COG2: variants seen among roughly 807,000 people sequenced by gnomAD.
The protein encoded by COG2 is component of oligomeric golgi complex 2.
A neutral mutation model predicts 90.6 loss-of-function variants in COG2; 52 were observed. The ratio of observed to expected loss-of-function variants is 0.57; its 90% confidence interval spans 0.46 to 0.72. The LOEUF (loss-of-function observed/expected upper bound fraction) is 0.72. Ranked by LOEUF, COG2 falls within the 30% of genes least tolerant of loss-of-function variation. The pLI, the probability that COG2 is intolerant of heterozygous loss-of-function variation, is 0.00. For missense variants in COG2, 829 were observed against 891.2 expected (o/e 0.93, Z 0.89); for synonymous variants, 337 against 320.4 (o/e 1.05, Z -0.55).
At chr1:230,644,433 A>G (rs958698096) in intron 1 of COG2, among the ~76,000 whole-genome samples, 1 of 152,236 alleles carries the variant, frequency 6.6e-6, no homozygotes, top group Admixed American at 6.5e-5. Context: ...TGTCCAGGCT[A>G]TATTTCTATG....
At chr1:230,647,034 C>G in intron 1 of COG2, among the ~76,000 whole-genome samples, 1 of 152,046 alleles carries the variant, frequency 6.6e-6, no homozygotes, top group African/African-American at 2.4e-5. Context: ...CCGTGTTCTA[C>G]ATCACAGGCA....
chr1:230,642,524 T>TGGCCGC lies in COG2; in HGVS notation c.-76_-71dup, dbSNP rs564169817. 534 of 1,398,636 alleles carry TGGCCGC rather than the reference T, an allele frequency of 3.8e-4. 5 individuals carry two copies. The highest frequency in any genetic ancestry group is 2.4e-3 in the South Asian group (189 of 78,778). 86.6% of individuals were successfully genotyped at this position (1,398,636 alleles called of 1,614,324 possible). The stretch of plus-strand genomic sequence containing the variant: ...CCCCCTGTGCCGTGGAAACTGGCGG[T>TGGCCGC]GGCCGCGGCCGCCGAGTCGGTCTGC... On this transcript the variant is annotated 5_prime_UTR_variant, in exon 1 of 18. Transcript: ENST00000366669.
intron 1 of COG2, among the ~76,000 whole-genome samples, chr1:230,658,569 G>A (rs1662115736): frequency 1.3e-5 from 2 of 152,190 alleles, no homozygotes; most frequent in African/African-American, 2.4e-5. Context: ...CCTTACCAGA[G>A]CTCATACACT....
chr1:230,643,004 A>G (rs1661666910), intron 1 of COG2: 1 of 304,758 alleles, frequency 3.3e-6, no homozygotes, highest in Non-Finnish European at 6.0e-6. Flanking sequence ...CTTGTCGGAA[A>G]GAAGCTTGTG....
intron 1 of COG2, among the ~76,000 whole-genome samples, chr1:230,649,066 G>A (rs746587610): frequency 1.3e-5 from 2 of 152,064 alleles, no homozygotes; most frequent in South Asian, 2.1e-4. Context: ...ACACAGATAC[G>A]GTATTGAACA....
At chr1:230,656,502 T>C (rs1437945251) in intron 1 of COG2, among the ~76,000 whole-genome samples, 1 of 152,230 alleles carries the variant, frequency 6.6e-6, no homozygotes, top group Non-Finnish European at 1.5e-5. Context: ...TCCAATTATG[T>C]GGCCAATTTT....
At chr1:230,672,346 C>T (rs934665727) in intron 8 of COG2, among the ~76,000 whole-genome samples, 7 of 152,188 alleles carry the variant, frequency 4.6e-5, no homozygotes, top group African/African-American at 1.7e-4. Flanking sequence ...TGGTAGCTCT[C>T]CACTGTAGAA....
intron 15 of COG2, 90 bp from the exon 16 acceptor site, chr1:230,689,924 G>A: frequency 7.7e-7 from 1 of 1,305,092 alleles, no homozygotes; most frequent in African/African-American, 1.5e-5. Flanking sequence ...AACGTTAATA[G>A]TATCCTTTTG....
chr1:230,647,777 A>G (rs1199427486), intron 1 of COG2, among the ~76,000 whole-genome samples: 1 of 152,206 alleles, frequency 6.6e-6, no homozygotes, highest in African/African-American at 2.4e-5. Context: ...GATTACTTAT[A>G]CTACCTAATA....
At chr1:230,669,716 A>G (rs1030498327) in intron 7 of COG2, 181 bp downstream of exon 7, 1 of 506,094 alleles carries the variant, frequency 2.0e-6, no homozygotes, top group African/African-American at 1.9e-5. Flanking sequence ...TAATGTTACG[A>G]TGCCAGGAAT....
At chr1:230,671,730 G>A (rs948670789) in intron 8 of COG2, 90 bp downstream of exon 8, 4 of 1,203,934 alleles carry the variant, frequency 3.3e-6, no homozygotes, top group Non-Finnish European at 4.8e-6. Flanking sequence ...TGACTGTCTT[G>A]TATGAACTGT....
At chr1:230,690,344 T>C in intron 16 of COG2, 191 bp downstream of exon 16, 1 of 490,932 alleles carries the variant, frequency 2.0e-6, no homozygotes, top group Non-Finnish European at 3.5e-6. Flanking sequence ...GCCTGTGGGC[T>C]GGCTTCCTCT....
intron 11 of COG2, 125 bp from the exon 12 acceptor site, chr1:230,684,959 CA>C (rs1368103358): frequency 7.1e-6 from 8 of 1,122,738 alleles, no homozygotes; most frequent in Non-Finnish European, 1.0e-5. Context: ...CTTTGCTGAC[CA>C]CATGGTTTTC....
intron 6 of COG2, 60 bp from the exon 7 acceptor site, chr1:230,669,296 G>A (rs1423124080): frequency 2.0e-6 from 3 of 1,476,464 alleles, no homozygotes; most frequent in Non-Finnish European, 2.8e-6. Context: ...ATATCTACTT[G>A]CAGTTTCAGA....
rs373659866 is a variant in COG2, at chr1:230,685,630, A to G, written c.1380+394A>G. ...ATACTTAATATTTGGAAGTTTACAA[A>G]ATGATATTGTCATCAACATAAAAAG... On this transcript the variant is annotated intron_variant, in intron 12 of 17. Transcript: ENST00000366669. Among the ~76,000 whole-genome samples the G allele has an allele frequency of 6.6e-4, 101 of 152,358 alleles. 1 individual carries two copies. The highest frequency in any genetic ancestry group is 2.4e-3 in the African/African-American group (101 of 41,576).
Position 230,662,993 on chromosome 1 carries a change from A to T in COG2, c.301-148A>T, listed in dbSNP as rs999205142. ...TTCCCCTAAATCTTGAGACACAAACAGCAATTGTGTCTAATATTTTGTAAT... is the reference window on the plus strand; with the variant it reads ...TTCCCCTAAATCTTGAGACACAAACTGCAATTGTGTCTAATATTTTGTAAT... On this transcript the variant is annotated intron_variant, in intron 3 of 17. Transcript: ENST00000366669. 1.2e-5 allele frequency: 6 copies of T among 511,050 alleles called. No homozygotes were observed. The Admixed American group carries it at 1.2e-4, about 10-fold the overall frequency. The allele number at this position is 511,050 out of a possible 1,614,324, so 31.7% of individuals were successfully genotyped here.
intron 7 of COG2, chr1:230,670,923 T>G (rs1662433409): frequency 2.0e-5 from 3 of 151,812 alleles, no homozygotes. Flanking sequence ...GATGAAAATA[T>G]TTTAGTCACT....
chr1:230,686,595 T>A (rs1662889849), intron 12 of COG2, among the ~76,000 whole-genome samples: 1 of 152,226 alleles, frequency 6.6e-6, no homozygotes, highest in Admixed American at 6.5e-5. Flanking sequence ...GCTATGTTAT[T>A]TGCCTAATAT....
chr1:230,679,361 G>A (rs1662676480), intron 10 of COG2: 1 of 219,376 alleles, frequency 4.6e-6, no homozygotes, highest in East Asian at 9.3e-5. Context: ...AAAAGAGAAA[G>A]TAGGAGTTAT....
Sources: allele counts gnomAD v4.1 joint callset (sites outside exome capture counted in the v4.1 genomes callset), GRCh38; gene constraint gnomAD v4.1.1; transcripts MANE v1.5; gene names NCBI Gene and HGNC (gene_info 2026-07-23, HGNC 2026-07-21).